Variants in ARHGAP24 observed in about 807,000 individuals in gnomAD.
ARHGAP24 encodes the protein Rho GTPase activating protein 24, also known as rho GTPase-activating protein 24.
In ARHGAP24, 50 loss-of-function variants were observed where a neutral mutation model predicts 76.4. The observed-to-expected ratio is 0.65, with a 90% confidence interval of 0.52 to 0.83. ARHGAP24 has a LOEUF of 0.83. Ranked by LOEUF, ARHGAP24 falls within the 40% of genes least tolerant of loss-of-function variation. ARHGAP24 has a pLI of 0.00. For missense variants in ARHGAP24, 930 were observed against 914.2 expected, an observed-to-expected ratio of 1.02 and a Z score of -0.22; for synonymous variants, 345 against 323.3, an observed-to-expected ratio of 1.07 and a Z score of -0.72.
At chr4:85,685,805 G>T (rs58992149) in intron 2 of ARHGAP24, among the ~76,000 whole-genome samples, 1 of 152,130 alleles carries the variant, frequency 6.6e-6, no homozygotes, top group South Asian at 2.1e-4. Context: ...AAAACTCAGC[G>T]GTTTAAAACA....
At chr4:85,637,502 A>G (rs988339881) in intron 2 of ARHGAP24, among the ~76,000 whole-genome samples, 2 of 152,112 alleles carry the variant, frequency 1.3e-5, no homozygotes, top group African/African-American at 2.4e-5. Context: ...ATCTAAATGT[A>G]TGTTGCCAAT....
intron 1 of ARHGAP24, among the ~76,000 whole-genome samples, chr4:85,523,599 C>T (rs1482931161): frequency 6.6e-6 from 1 of 152,136 alleles, no homozygotes; most frequent in African/African-American, 2.4e-5. Context: ...CCTTTCCTTT[C>T]TTTAACTTCA....
chr4:85,714,632 C>T (rs1052686363), intron 2 of ARHGAP24, among the ~76,000 whole-genome samples: 19 of 151,994 alleles, frequency 1.3e-4, no homozygotes, highest in Admixed American at 2.0e-4. Flanking sequence ...ACAGTGTGTA[C>T]GGCTTTATTG....
chr4:85,878,627 G>A (rs1733070904), intron 3 of ARHGAP24, among the ~76,000 whole-genome samples: 1 of 152,014 alleles, frequency 6.6e-6, no homozygotes, highest in African/African-American at 2.4e-5. Flanking sequence ...TACATTCATA[G>A]CTTTTATATC....
In ARHGAP24 at chr4:85,667,643, T is replaced by G. The variant is rs139868972; in HGVS notation, c.181-54242T>G. Among the ~76,000 whole-genome samples, 1,278 of 152,342 alleles carry G rather than the reference T, an allele frequency of 8.4e-3. 21 individuals carry two copies. The highest frequency in any genetic ancestry group is 0.029 in the African/African-American group (1,219 of 41,592). On this transcript the variant is annotated intron_variant, in intron 2 of 9. Coordinates refer to ENST00000395184, the MANE Select transcript of ARHGAP24 (RefSeq NM_001025616.3). ...GCTGTTCCTATTCGGCCATCTTGGC[T>G]GCCACGCACTTTTTTGTTTATCCTC...
At chr4:85,605,989 C>T (rs557716832) in intron 2 of ARHGAP24, among the ~76,000 whole-genome samples, 43 of 152,276 alleles carry the variant, frequency 2.8e-4, no homozygotes, top group South Asian at 1.2e-3. Flanking sequence ...CTCTTTGGAA[C>T]CCCCTCAGGA....
chr4:85,616,692 A>G (rs1720550745), intron 2 of ARHGAP24, among the ~76,000 whole-genome samples: 1 of 152,134 alleles, frequency 6.6e-6, no homozygotes, highest in Non-Finnish European at 1.5e-5. Flanking sequence ...CAGTGGCACG[A>G]TCTCAGCTCA....
chr4:85,620,169 A>G (rs1404489792), intron 2 of ARHGAP24, among the ~76,000 whole-genome samples: 1 of 152,036 alleles, frequency 6.6e-6, no homozygotes, highest in Non-Finnish European at 1.5e-5. Flanking sequence ...TCCTGGCCTC[A>G]TAATATGAGT....
intron 3 of ARHGAP24, among the ~76,000 whole-genome samples, chr4:85,736,912 T>G (rs1385723494): frequency 6.6e-6 from 1 of 152,206 alleles, no homozygotes; most frequent in African/African-American, 2.4e-5. Flanking sequence ...CCATCATATG[T>G]GCCTAACTTG....
intron 3 of ARHGAP24, among the ~76,000 whole-genome samples, chr4:85,767,660 G>GA (rs11409627): frequency 0.98 from 149,770 of 152,230 alleles, 73,719 homozygotes; most frequent in Middle Eastern, 1. Flanking sequence ...AATTATTAAA[G>GA]AAAAAGAAAC....
At chr4:85,826,499 A>G (rs963209246) in intron 3 of ARHGAP24, among the ~76,000 whole-genome samples, 4 of 152,206 alleles carry the variant, frequency 2.6e-5, no homozygotes, top group African/African-American at 9.7e-5. Flanking sequence ...GCAGTTCAAT[A>G]AAATCTCGAA....
At chr4:85,953,592 A>G (rs1482663841) in intron 5 of ARHGAP24, among the ~76,000 whole-genome samples, 1 of 152,142 alleles carries the variant, frequency 6.6e-6, no homozygotes. Context: ...TTCTGATTTA[A>G]ATGGTTGGAG....
intron 3 of ARHGAP24, among the ~76,000 whole-genome samples, chr4:85,885,928 C>T (rs1378245254): frequency 2.0e-5 from 3 of 152,168 alleles, no homozygotes; most frequent in East Asian, 1.9e-4. Flanking sequence ...ATAGGAATCC[C>T]GCACAGAGAA....
chr4:85,477,699 C>G (rs1578174716), intron 1 of ARHGAP24, among the ~76,000 whole-genome samples: 1 of 152,198 alleles, frequency 6.6e-6, no homozygotes. Context: ...AGCCAAAGCC[C>G]TGTTGGTGTT....
chr4:85,927,017 TTA>T (rs1318667972), intron 4 of ARHGAP24, among the ~76,000 whole-genome samples: 11 of 152,160 alleles, frequency 7.2e-5, no homozygotes, highest in African/African-American at 2.2e-4. Context: ...TAATATAGTT[TTA>T]TGAGTCATTC....
At chr4:85,553,054 T>A (rs186940984) in intron 1 of ARHGAP24, among the ~76,000 whole-genome samples, 1 of 152,268 alleles carries the variant, frequency 6.6e-6, no homozygotes, top group African/African-American at 2.4e-5. Context: ...TCTCACTAGC[T>A]TCAGGAGTGA....
At chr4:85,895,101 A>G (rs993390518) in intron 3 of ARHGAP24, among the ~76,000 whole-genome samples, 5 of 151,708 alleles carry the variant, frequency 3.3e-5, no homozygotes, top group Non-Finnish European at 7.4e-5. Context: ...TAATGCATAC[A>G]CTGTACACTG....
At chr4:85,776,868 C>G (rs1727327581) in intron 3 of ARHGAP24, among the ~76,000 whole-genome samples, 1 of 152,054 alleles carries the variant, frequency 6.6e-6, no homozygotes, top group African/African-American at 2.4e-5. Context: ...TTCTAATGGA[C>G]TAAAGGTAAA....
At chr4:85,699,728 G>A (rs1724002730) in intron 2 of ARHGAP24, among the ~76,000 whole-genome samples, 1 of 151,518 alleles carries the variant, frequency 6.6e-6, no homozygotes, top group Admixed American at 6.6e-5. Context: ...TTTCTTTTCT[G>A]AACAGTCATT....
Sources: gnomAD v4.1 joint callset for allele counts (sites outside exome capture counted in the v4.1 genomes callset) on GRCh38, gnomAD v4.1.1 for gene constraint, MANE v1.5 for transcripts, NCBI Gene and HGNC (gene_info 2026-07-23, HGNC 2026-07-21) for gene names.